Variants in CYP4A22 observed in about 807,000 individuals in gnomAD.
The protein encoded by CYP4A22 is cytochrome P450 family 4 subfamily A member 22, also known as cytochrome P450 4A22.
CYP4A22 carries 46 observed loss-of-function variants against 56.2 expected under a neutral mutation model. The observed-to-expected ratio is 0.82, with a 90% CI of 0.65 to 1.05. The LOEUF is 1.05. CYP4A22 is among the 50% of genes least tolerant of loss of function. The pLI, the probability that CYP4A22 is intolerant of heterozygous loss-of-function variation, is 0.00. For synonymous variants in CYP4A22, 193 were observed against 251.1 expected (o/e 0.77, Z 2.19); for missense variants, 541 against 645.9 (o/e 0.84, Z 1.76).
intron 1 of CYP4A22, among the ~76,000 whole-genome samples, chr1:47,139,207 A>T (rs1163494567): frequency 6.6e-6 from 1 of 152,202 alleles, no homozygotes; most frequent in Non-Finnish European, 1.5e-5. Context: ...GCACCAAGCT[A>T]CCTTCTTCAA....
chr1:47,138,469 G>A (rs186213155), intron 1 of CYP4A22, among the ~76,000 whole-genome samples: 1 of 152,288 alleles, frequency 6.6e-6, no homozygotes, highest in East Asian at 1.9e-4. Flanking sequence ...CTGTGCCCCG[G>A]CAATCAGCAA....
rs1476775415 is a variant in CYP4A22, at chr1:47,143,275, T to C, written c.517T>C (p.Trp173Arg). Residue 173 changes from tryptophan (W) to arginine (R), a missense_variant, in exon 5 of 12, where the codon TGG (tryptophan) becomes CGG (arginine). By Grantham distance (101) the Trp-to-Arg change is moderately radical. This residue lies in a region of CYP4A22 where 335 missense variants were observed against 361.2 expected (regional missense o/e 0.93). Transcript: ENST00000371891. ...ATGCCCCCTCCCACCACAGGACAAA[T>C]GGGAAGAGCTCCTTGGCCAGGATTC... ...ADSVRVMLDK[W>R]EELLGQDSPL... is the part of the protein sequence containing the mutation. 1.2e-6 allele frequency: 2 copies of C among 1,611,452 alleles called. No homozygotes were observed. The highest frequency in any genetic ancestry group is 1.7e-6 in the Non-Finnish European group (2 of 1,178,774).
rs6661132 is a variant in CYP4A22, at chr1:47,144,393, A to T, written c.827A>T (p.Lys276Met). 69 of 1,612,778 alleles carry T rather than the reference A, an allele frequency of 4.3e-5. No individual in the cohort carries two copies. In the South Asian group the frequency reaches 7.2e-4, roughly 17 times the overall value. ...VIQLRKAQLQKEGELEKIKRK... is the reference protein window; with the variant it reads ...VIQLRKAQLQMEGELEKIKRK... ...CAACTGAGGAAGGCTCAACTACAGA[A>T]GGAGGGGGAGCTGGAGAAGATCAAG... is the stretch of plus-strand genomic sequence containing the variant. The change falls in exon 7 of 12, where the codon AAG (lysine) becomes ATG (methionine). Residue 276 changes from lysine (K) to methionine (M), a missense_variant. By Grantham distance (95) the Lys-to-Met change is moderately conservative. Transcript: ENST00000371891.
Position 47,143,138 on chromosome 1 carries a change from G to A in CYP4A22, c.511-131G>A, listed in dbSNP as rs567387903. 3.0e-5 allele frequency: 45 copies of A among 1,504,530 alleles called. No homozygotes were observed. In the South Asian group the frequency reaches 4.9e-4, roughly 16 times the overall value. 93.2% of individuals were successfully genotyped at this position (1,504,530 alleles called of 1,614,324 possible). On this transcript the variant is annotated intron_variant, in intron 4 of 11. Coordinates refer to ENST00000371891, the MANE Select transcript of CYP4A22 (RefSeq NM_001010969.4). ...CTACAATGCATCTGCTCTGTAAAGT[G>A]AAGAATCCCAACCAAGATATCTGCA...
rs528454015 is a variant in CYP4A22 at position 47,142,306 on chromosome 1, C to G, written c.510+71C>G. Reference sequence around the variant, plus strand: ...CACTCTCACCAACTCCACTCTCAACCCTGTGTCCCACAGGCAGCCATAGAC... The same window carrying G: ...CACTCTCACCAACTCCACTCTCAACGCTGTGTCCCACAGGCAGCCATAGAC... On this transcript the variant is annotated intron_variant, in intron 4 of 11. Coordinates refer to ENST00000371891, the MANE Select transcript of CYP4A22 (RefSeq NM_001010969.4). 214 of 1,515,956 alleles carry G rather than the reference C, an allele frequency of 1.4e-4. No homozygotes were observed. The Admixed American group carries it at 4.3e-3, about 31-fold the overall frequency. 93.9% of individuals were successfully genotyped at this position (1,515,956 alleles called of 1,614,324 possible).
intron 2 of CYP4A22, 95 bp downstream of exon 2, chr1:47,141,016 C>G: frequency 6.5e-7 from 1 of 1,548,890 alleles, no homozygotes; most frequent in African/African-American, 1.4e-5. Context: ...GCTGTTCAAA[C>G]ATCAATATCT....
chr1:47,137,944 AG>A (rs34913663), intron 1 of CYP4A22, among the ~76,000 whole-genome samples: 11,680 of 152,114 alleles, frequency 0.077, 541 homozygotes, highest in East Asian at 0.23. Flanking sequence ...CTGCACATGG[AG>A]GGCAATGCCT....
intron 3 of CYP4A22, 61 bp downstream of exon 3, chr1:47,141,676 C>T: frequency 6.3e-7 from 1 of 1,587,390 alleles, no homozygotes; most frequent in Non-Finnish European, 8.6e-7. Flanking sequence ...ATTTATTTGG[C>T]TCACAGAGAA....
chr1:47,147,204 A>G (rs1645085814), intron 11 of CYP4A22: 1 of 985,340 alleles, frequency 1.0e-6, no homozygotes, highest in South Asian at 4.7e-5. Flanking sequence ...CTCCTTCTCC[A>G]GCACTGGTCT....
intron 6 of CYP4A22, 71 bp downstream of exon 6, chr1:47,143,987 C>A (rs1354232467): frequency 1.3e-6 from 2 of 1,537,372 alleles, no homozygotes; most frequent in African/African-American, 1.4e-5. Context: ...ACTCCTCAGG[C>A]AGAGAAGGTC....
Position 47,142,124 on chromosome 1 carries a change from G to C in CYP4A22, c.399G>C (p.Leu133=). 6.2e-7 allele frequency: 1 copy of C among 1,613,346 alleles called. No homozygotes were observed. The highest frequency in any genetic ancestry group is 1.1e-5 in the South Asian group (1 of 90,894). The change falls in exon 4 of 12, where the codon CTG becomes CTC. Residue 133 remains leucine (L), a synonymous_variant. Transcript: ENST00000371891. ...CTACCTTAGGGTACGGCTTGCTCCT[G>C]TTGAATGGGCAGACATGGTTCCAGC... The part of the protein sequence containing the change: ...LAPRIGYGLL[L]LNGQTWFQHR...
Position 47,142,150 on chromosome 1 carries a change from A to C in CYP4A22, c.425A>C (p.His142Pro), listed in dbSNP as rs1484143980. Residue 142 changes from histidine to proline, a missense_variant, in exon 4 of 12, where the codon CAT (histidine) becomes CCT (proline). His to Pro is a moderately conservative substitution (Grantham distance 77). Around this residue, in one of 3 missense-constraint regions of CYP4A22, gnomAD observed 335 missense variants for 361.2 expected, o/e 0.93. Coordinates refer to ENST00000371891, the MANE Select transcript of CYP4A22 (RefSeq NM_001010969.4). ...LLLNGQTWFQHRRMLTPAFHN... is the reference protein window; with the variant it reads ...LLLNGQTWFQPRRMLTPAFHN... ...TTGAATGGGCAGACATGGTTCCAGC[A>C]TCGACGGATGCTGACCCCAGCCTTC... The C allele has an allele frequency of 6.2e-7, 1 of 1,613,898 alleles. No individual in the cohort carries two copies. The highest frequency in any genetic ancestry group is 8.5e-7 in the Non-Finnish European group (1 of 1,179,904).
rs200828882 is a variant in CYP4A22, at chr1:47,148,807, C to T, written c.*10C>T. On this transcript the variant is annotated 3_prime_UTR_variant, in exon 12 of 12. Coordinates refer to ENST00000371891, the MANE Select transcript of CYP4A22 (RefSeq NM_001010969.4). ...CAAGGACCAGCTTTGAGGGCCTCCACCTGCCATCCTGTCTTCCTGACCCCC... is the reference window on the plus strand; with the variant it reads ...CAAGGACCAGCTTTGAGGGCCTCCATCTGCCATCCTGTCTTCCTGACCCCC... The T allele has an allele frequency of 6.3e-7, 1 of 1,588,304 alleles. No homozygotes were observed. Among genetic ancestry groups the T allele is most frequent in the Admixed American group, 1.7e-5 (1 of 58,432 alleles).
chr1:47,139,727 T>C (rs1261766313), intron 1 of CYP4A22, among the ~76,000 whole-genome samples: 1 of 152,216 alleles, frequency 6.6e-6, no homozygotes, highest in African/African-American at 2.4e-5. Context: ...AGACATTAGA[T>C]ACTTATGTGG....
At chr1:47,147,819 C>T (rs186531650) in intron 11 of CYP4A22, among the ~76,000 whole-genome samples, 45 of 152,232 alleles carry the variant, frequency 3.0e-4, no homozygotes, top group Admixed American at 2.7e-3. Context: ...GCTTGTCTGC[C>T]GGCTGAGGCA....
rs774132925 is a variant in CYP4A22 at position 47,146,101 on chromosome 1, C to T, written c.1312C>T (p.Pro438Ser). The change falls in exon 11 of 12, where the codon CCG becomes TCG. Residue 438 changes from proline to serine, a missense_variant. Pro to Ser is a moderately conservative substitution (Grantham distance 74, BLOSUM62 -1). Transcript: ENST00000371891. Reference sequence around the variant, plus strand: ...GGTGTTTGACCCTTCCCGTTTTGCACCGGGTTCTGCTCAACACAGCCACGC... The same window carrying T: ...GGTGTTTGACCCTTCCCGTTTTGCATCGGGTTCTGCTCAACACAGCCACGC... ...LEVFDPSRFA[P>S]GSAQHSHAFL... 4.3e-6 allele frequency: 7 copies of T among 1,614,186 alleles called. No homozygotes were observed. Among genetic ancestry groups the T allele is most frequent in the Middle Eastern group, 1.6e-4 (1 of 6,062 alleles).
At chr1:47,146,795 CATCT>C in intron 11 of CYP4A22, 1 of 986,646 alleles carries the variant, frequency 1.0e-6, no homozygotes, top group Non-Finnish European at 1.2e-6. Flanking sequence ...CACATATTTA[CATCT>C]ATTTCCCCAT....
chr1:47,145,063 T>C, intron 9 of CYP4A22, 93 bp downstream of exon 9: 1 of 1,535,166 alleles, frequency 6.5e-7, no homozygotes, highest in Non-Finnish European at 8.8e-7. Flanking sequence ...TGCACATCTC[T>C]GGGTCTCCCT....
chr1:47,148,175 G>A (rs549088749), intron 11 of CYP4A22, among the ~76,000 whole-genome samples: 38 of 152,280 alleles, frequency 2.5e-4, no homozygotes, highest in South Asian at 1.5e-3. Flanking sequence ...GTCCCACTAC[G>A]TGGGAAGCAC....
Sources: gnomAD v4.1 joint callset for allele counts (sites outside exome capture counted in the v4.1 genomes callset) on GRCh38, gnomAD v4.1.1 for gene constraint, gnomAD v4.1.1 regional missense constraint, MANE v1.5 for transcripts, NCBI Gene and HGNC (gene_info 2026-07-23, HGNC 2026-07-21) for gene names.